PDK1: variants seen among roughly 807,000 people sequenced by gnomAD.
PDK1 encodes pyruvate dehydrogenase kinase 1.
A neutral mutation model predicts 54.2 loss-of-function variants in PDK1; 39 were observed. The ratio of observed to expected loss-of-function variants is 0.72; its 90% CI spans 0.56 to 0.94. The LOEUF (loss-of-function observed/expected upper bound fraction) is 0.94, where lower values mean the gene tolerates loss of function less well. Among genes scored for constraint, PDK1 ranks in the 40% least tolerant of loss-of-function variants. PDK1 has a pLI of 0.00. For missense variants in PDK1, 552 were observed against 566.0 expected, an observed-to-expected ratio of 0.98 and a Z score of 0.25; for synonymous variants, 221 against 207.1, an observed-to-expected ratio of 1.07 and a Z score of -0.58.
the PDK1 span, among the ~76,000 whole-genome samples, chr2:172,655,150 G>C: frequency 1.3e-5 from 2 of 152,182 alleles, no homozygotes; most frequent in African/African-American, 4.8e-5. Flanking sequence ...TGCCCACGTG[G>C]TGGCTGGAGT....
the PDK1 span, among the ~76,000 whole-genome samples, chr2:172,644,476 G>C: frequency 6.6e-6 from 1 of 152,184 alleles, no homozygotes; most frequent in Non-Finnish European, 1.5e-5. Flanking sequence ...TTTACAGGGT[G>C]GTTGTGAGGA....
rs768866527 is a variant in PDK1, at chr2:172,598,765, A to G, written c.*2796A>G. On this transcript the variant is annotated 3_prime_UTR_variant, in exon 11 of 11. Transcript: ENST00000282077. ...TTTATAAAATGTTTTCTGTATGGCA[A>G]TAAACTGAAAACATGGATCAACCCT... 2 of 152,220 alleles carry G rather than the reference A, an allele frequency of 1.3e-5. No individual in the cohort carries two copies. Among genetic ancestry groups the G allele is most frequent in the East Asian group, 1.9e-4 (1 of 5,204 alleles). 9.4% of individuals were successfully genotyped at this position (152,220 alleles called of 1,614,324 possible).
Position 172,596,007 on chromosome 2 carries a change from T to C in PDK1, c.*38T>C. 3 of 1,562,166 alleles carry C rather than the reference T, an allele frequency of 1.9e-6. No homozygotes were observed. The highest frequency in any genetic ancestry group is 1.1e-5 in the South Asian group (1 of 87,104). ...CATCGGAAAATCCAAATGTGGCTTT[T>C]GTATTAAATTTGGAAGGTATGGTGT... On this transcript the variant is annotated 3_prime_UTR_variant, in exon 11 of 11. Coordinates refer to ENST00000282077, the MANE Select transcript of PDK1 (RefSeq NM_002610.5).
chr2:172,571,823 C>CGTTTTTTTTTTTTTTTTTTTTTTTTTTTT (rs765005051), intron 8 of PDK1, among the ~76,000 whole-genome samples: 6 of 99,784 alleles, frequency 6.0e-5, no homozygotes, highest in African/African-American at 1.2e-4. Flanking sequence ...TCTTTCTTTA[C>CGTTTTTTTTTTTTTTTTTTTTTTTTTTTT]TTTTTTTTTT....
At chr2:172,581,804 A>G (rs1689924084) in intron 8 of PDK1, among the ~76,000 whole-genome samples, 1 of 152,198 alleles carries the variant, frequency 6.6e-6, no homozygotes, top group Non-Finnish European at 1.5e-5. Context: ...TAAAAATCCT[A>G]TACAAAAGTT....
In PDK1 at chr2:172,603,634, G is replaced by C. The variant is rs557876305; in HGVS notation, c.*7665G>C. ...GCTCTGGCACTTTATAGCAGTGGTG[G>C]GGGGTAGATAGGACTTAGTGTGGCC... On this transcript the variant is annotated 3_prime_UTR_variant, in exon 11 of 11. Coordinates refer to ENST00000282077, the MANE Select transcript of PDK1 (RefSeq NM_002610.5). 2.6e-5 allele frequency: 4 copies of C among 152,318 alleles called. No homozygotes were observed. In the East Asian group the frequency reaches 5.8e-4, roughly 22 times the overall value. 9.4% of individuals were successfully genotyped at this position (152,318 alleles called of 1,614,324 possible).
downstream of PDK1, among the ~76,000 whole-genome samples, chr2:172,613,615 C>T (rs756163348): frequency 1.3e-5 from 2 of 152,098 alleles, no homozygotes; most frequent in Admixed American, 1.3e-4. Flanking sequence ...ACCATGCCCA[C>T]CTTTGACTTT....
At chr2:172,661,244 C>G in the PDK1 span, among the ~76,000 whole-genome samples, 1 of 152,156 alleles carries the variant, frequency 6.6e-6, no homozygotes, top group Non-Finnish European at 1.5e-5. Context: ...CTGACTGTTA[C>G]AGTTTAGGAA....
At chr2:172,690,250 A>C in the PDK1 span, among the ~76,000 whole-genome samples, 7 of 150,668 alleles carry the variant, frequency 4.6e-5, no homozygotes, top group Non-Finnish European at 1.0e-4. Context: ...ACATGAAAAA[A>C]TGCTCATCGT....
the PDK1 span, among the ~76,000 whole-genome samples, chr2:172,653,362 G>T: frequency 6.6e-6 from 1 of 152,120 alleles, no homozygotes; most frequent in South Asian, 2.1e-4. Context: ...CAGCACTTTG[G>T]GAGGCTAAGG....
the PDK1 span, among the ~76,000 whole-genome samples, chr2:172,684,283 G>A: frequency 1.3e-5 from 2 of 152,082 alleles, no homozygotes; most frequent in Admixed American, 6.5e-5. Flanking sequence ...TTAGCCAGGT[G>A]TGGTGGTGCA....
At chr2:172,665,807 G>A in the PDK1 span, among the ~76,000 whole-genome samples, 2 of 152,274 alleles carry the variant, frequency 1.3e-5, no homozygotes, top group East Asian at 3.9e-4. Context: ...CGATGGGGTG[G>A]GGTTTGTGGA....
chr2:172,628,823 T>G, the PDK1 span, among the ~76,000 whole-genome samples: 1 of 152,168 alleles, frequency 6.6e-6, no homozygotes, highest in Non-Finnish European at 1.5e-5. Flanking sequence ...TCTAAATCTC[T>G]ACTGTCTTAA....
At chr2:172,717,663 C>A in the PDK1 span, among the ~76,000 whole-genome samples, 9,091 of 152,182 alleles carry the variant, frequency 0.06, 329 homozygotes, top group South Asian at 0.12. Context: ...TCCTGCCTCA[C>A]CTCCCGAATA....
chr2:172,693,723 AC>A, the PDK1 span, among the ~76,000 whole-genome samples: 1 of 152,046 alleles, frequency 6.6e-6, no homozygotes, highest in Non-Finnish European at 1.5e-5. Context: ...CTGGAGCCAC[AC>A]CTCTTCCTCT....
the PDK1 span, among the ~76,000 whole-genome samples, chr2:172,633,471 A>T: frequency 6.9e-6 from 1 of 145,236 alleles, no homozygotes; most frequent in African/African-American, 2.6e-5. Flanking sequence ...AATGCTTATT[A>T]ACTTTCCAAA....
the PDK1 span, among the ~76,000 whole-genome samples, chr2:172,646,447 A>G: frequency 6.6e-6 from 1 of 152,128 alleles, no homozygotes; most frequent in African/African-American, 2.4e-5. Context: ...TGTTTGGATG[A>G]TACTCAAGAA....
At chr2:172,645,087 A>G in the PDK1 span, among the ~76,000 whole-genome samples, 3 of 152,066 alleles carry the variant, frequency 2.0e-5, no homozygotes, top group Non-Finnish European at 2.9e-5. Context: ...TTATAAGCCA[A>G]TTTTTAAACA....
At chr2:172,587,673 T>C (rs997925594) in intron 9 of PDK1, among the ~76,000 whole-genome samples, 3 of 152,182 alleles carry the variant, frequency 2.0e-5, no homozygotes, top group Non-Finnish European at 2.9e-5. Flanking sequence ...TGTGGGGGCC[T>C]GCTTTTATTC....
Sources: gnomAD v4.1 joint callset for allele counts (sites outside exome capture counted in the v4.1 genomes callset) on GRCh38, gnomAD v4.1.1 for gene constraint, MANE v1.5 for transcripts, NCBI Gene and HGNC (gene_info 2026-07-23, HGNC 2026-07-21) for gene names.